PLXDC2: variants seen among roughly 807,000 people sequenced by gnomAD.
PLXDC2 encodes the protein plexin domain-containing protein 2.
A neutral mutation model predicts 68.9 loss-of-function variants in PLXDC2; 40 were observed. The observed-to-expected ratio is 0.58, with a 90% CI of 0.45 to 0.76. The LOEUF is 0.76. Among genes scored for constraint, PLXDC2 ranks in the 30% least tolerant of loss-of-function variants. The pLI is 0.00. For synonymous variants in PLXDC2, 243 were observed against 234.2 expected, an observed-to-expected ratio of 1.04 and a Z score of -0.34; for missense variants, 644 against 661.9, an observed-to-expected ratio of 0.97 and a Z score of 0.30.
intron 9 of PLXDC2, among the ~76,000 whole-genome samples, chr10:20,209,769 C>T (rs866291753): frequency 3.3e-5 from 5 of 151,960 alleles, no homozygotes; most frequent in East Asian, 3.9e-4. Context: ...GGTCCTGAGG[C>T]GACATACATC....
At chr10:20,096,299 G>A (rs61841805) in intron 4 of PLXDC2, among the ~76,000 whole-genome samples, 1 of 152,064 alleles carries the variant, frequency 6.6e-6, no homozygotes, top group Non-Finnish European at 1.5e-5. Flanking sequence ...CAGGGCTAGA[G>A]AAACTAATTG....
intron 4 of PLXDC2, among the ~76,000 whole-genome samples, chr10:20,134,078 C>G (rs903468646): frequency 3.9e-5 from 6 of 151,968 alleles, no homozygotes; most frequent in African/African-American, 1.2e-4. Flanking sequence ...TAGTTTCTGT[C>G]TCTTTGTTAA....
At chr10:19,929,952 C>T (rs895881134) in intron 1 of PLXDC2, among the ~76,000 whole-genome samples, 4 of 152,132 alleles carry the variant, frequency 2.6e-5, no homozygotes, top group Non-Finnish European at 5.9e-5. Flanking sequence ...TTGCACAATC[C>T]AGAAGGAAAA....
At chr10:20,078,333 C>T (rs1247859887) in intron 4 of PLXDC2, among the ~76,000 whole-genome samples, 3 of 152,006 alleles carry the variant, frequency 2.0e-5, no homozygotes, top group South Asian at 2.1e-4. Flanking sequence ...TAGTTAGCTA[C>T]GATTATGCCA....
At position 20,245,512 on chromosome 10, in the gene PLXDC2, G is replaced by A. The variant is rs776317855; in HGVS notation, c.1473+7G>A. ...CAGCATCTTCTTTATTGAGGTAAGT[G>A]TTGAGTTTAACACATGAAAACCACG... On this transcript the variant is annotated splice_region_variant and intron_variant, in intron 13 of 13. Transcript: ENST00000377252. The A allele has an allele frequency of 2.5e-6, 4 of 1,609,050 alleles. No homozygotes were observed. The highest frequency in any genetic ancestry group is 3.4e-6 in the Non-Finnish European group (4 of 1,178,426).
chr10:19,954,442 C>T (rs1365537729), intron 1 of PLXDC2, among the ~76,000 whole-genome samples: 1 of 152,130 alleles, frequency 6.6e-6, no homozygotes, highest in Non-Finnish European at 1.5e-5. Context: ...AGATGATCTG[C>T]ATTTTGTAAA....
intron 2 of PLXDC2, among the ~76,000 whole-genome samples, chr10:20,002,893 C>T (rs780481509): frequency 4.6e-5 from 7 of 152,088 alleles, no homozygotes; most frequent in East Asian, 1.9e-4. Context: ...GGCTTGGGGC[C>T]GAGAAGTTTT....
At chr10:20,027,813 C>T (rs1014115860) in intron 2 of PLXDC2, among the ~76,000 whole-genome samples, 1 of 151,946 alleles carries the variant, frequency 6.6e-6, no homozygotes, top group African/African-American at 2.4e-5. Context: ...TTTTAAAAAT[C>T]TCAGAAATTG....
intron 12 of PLXDC2, among the ~76,000 whole-genome samples, chr10:20,230,746 T>C (rs1248385411): frequency 1.5e-5 from 2 of 137,096 alleles, no homozygotes; most frequent in Non-Finnish European, 3.2e-5. Context: ...TTAGGAACCA[T>C]TATAATTTTT....
At chr10:20,046,818 T>G in intron 2 of PLXDC2, 51 bp from the exon 3 acceptor site, 1 of 1,520,074 alleles carries the variant, frequency 6.6e-7, no homozygotes, top group Non-Finnish European at 8.9e-7. Context: ...TTTAAAGAAT[T>G]GTAGGTAAAA....
Position 20,256,578 on chromosome 10 carries a change from A to G in PLXDC2, c.1473+11073A>G, listed in dbSNP as rs146860261. ...AAATTTGTTATAATTATTAAAATTT[A>G]TTGTGCCCCTAGATTTGTAATAAGA... On this transcript the variant is annotated intron_variant, in intron 13 of 13. Transcript: ENST00000377252. Among the ~76,000 whole-genome samples the G allele has an allele frequency of 4.0e-3, 612 of 152,252 alleles. 4 individuals carry two copies. Among genetic ancestry groups the G allele is most frequent in the African/African-American group, 0.013 (559 of 41,538 alleles).
At position 20,123,282 on chromosome 10, in the gene PLXDC2, G is replaced by T. The variant is rs200438374; in HGVS notation, c.542-20013G>T. On this transcript the variant is annotated intron_variant, in intron 4 of 13. Coordinates refer to ENST00000377252, the MANE Select transcript of PLXDC2 (RefSeq NM_032812.9). Reference sequence around the variant, plus strand: ...AGGAACATTAGAAAGACTCAGAGACGCTTGGGGTTGGGACTGAGGGGACAG... The same window carrying T: ...AGGAACATTAGAAAGACTCAGAGACTCTTGGGGTTGGGACTGAGGGGACAG... Among the ~76,000 whole-genome samples, 6 of 152,042 alleles carry T rather than the reference G, an allele frequency of 3.9e-5. No homozygotes were observed. The East Asian group carries it at 9.7e-4, about 25-fold the overall frequency.
intron 2 of PLXDC2, among the ~76,000 whole-genome samples, chr10:20,009,434 G>A (rs768100890): frequency 1.3e-5 from 2 of 151,954 alleles, no homozygotes; most frequent in Non-Finnish European, 2.9e-5. Context: ...TTAACATGTG[G>A]CTGCAAAATC....
chr10:20,164,102 A>T (rs1834341499), intron 6 of PLXDC2, among the ~76,000 whole-genome samples: 1 of 152,202 alleles, frequency 6.6e-6, no homozygotes, highest in Non-Finnish European at 1.5e-5. Context: ...TTCAGAAAAC[A>T]AATAGTAAGA....
intron 5 of PLXDC2, 90 bp from the exon 6 acceptor site, chr10:20,147,694 A>T: frequency 1.4e-6 from 1 of 733,438 alleles, no homozygotes; most frequent in Non-Finnish European, 2.3e-6. Context: ...TTTGAAGGCC[A>T]GATGCAAAAA....
At chr10:20,146,369 C>T (rs1299350555) in intron 5 of PLXDC2, among the ~76,000 whole-genome samples, 1 of 150,360 alleles carries the variant, frequency 6.7e-6, no homozygotes, top group Non-Finnish European at 1.5e-5. Flanking sequence ...TTTCTCCTTC[C>T]TTCCTCCCTC....
intron 1 of PLXDC2, among the ~76,000 whole-genome samples, chr10:19,957,213 GT>G (rs1189014086): frequency 6.6e-6 from 1 of 152,144 alleles, no homozygotes; most frequent in East Asian, 1.9e-4. Context: ...GTGGAAATTA[GT>G]TTTTGAGCAG....
Position 19,922,162 on chromosome 10 carries a change from A to G in PLXDC2, c.113-79613A>G, listed in dbSNP as rs531714073. Among the ~76,000 whole-genome samples, 280 of 152,308 alleles carry G rather than the reference A, an allele frequency of 1.8e-3. 2 individuals carry two copies. The highest frequency in any genetic ancestry group is 3.5e-3 in the Non-Finnish European group (241 of 68,026). ...GCGTGAGCCACCGTTCTCAGCCAGG[A>G]CAACTGTGTCTAAATGTTTTACCCA... On this transcript the variant is annotated intron_variant, in intron 1 of 13. Coordinates refer to ENST00000377252, the MANE Select transcript of PLXDC2 (RefSeq NM_032812.9).
At chr10:19,908,191 C>T (rs1056425981) in intron 1 of PLXDC2, among the ~76,000 whole-genome samples, 1 of 151,992 alleles carries the variant, frequency 6.6e-6, no homozygotes, top group East Asian at 1.9e-4. Context: ...AAATTTCTGT[C>T]AACATAATTT....
Sources: gnomAD v4.1 joint callset for allele counts (sites outside exome capture counted in the v4.1 genomes callset) on GRCh38, gnomAD v4.1.1 for gene constraint, MANE v1.5 for transcripts, NCBI Gene and HGNC (gene_info 2026-07-23, HGNC 2026-07-21) for gene names.